Variants in MTA3 observed in about 807,000 individuals in gnomAD.
MTA3 encodes metastasis-associated protein MTA3.
MTA3 carries 34 observed loss-of-function variants against 83.5 expected under a neutral mutation model. That is an observed-to-expected ratio of 0.41 (90% CI 0.31 to 0.54). The LOEUF (loss-of-function observed/expected upper bound fraction) is 0.54, where lower values mean the gene tolerates loss of function less well. Ranked by LOEUF, MTA3 falls within the 20% of genes least tolerant of loss-of-function variation. MTA3 has a pLI of 0.33. For missense variants in MTA3, 761 were observed against 726.4 expected, an observed-to-expected ratio of 1.05 and a Z score of -0.55; for synonymous variants, 303 against 252.7, an observed-to-expected ratio of 1.20 and a Z score of -1.89.
At chr2:42,560,047 AT>A (rs906097452) in intron 2 of MTA3, among the ~76,000 whole-genome samples, 18 of 151,812 alleles carry the variant, frequency 1.2e-4, no homozygotes, top group African/African-American at 3.6e-4. Context: ...AGTCCAAGTG[AT>A]TTTTTTTATT....
At chr2:42,499,540 C>A (rs572433731) in intron 2 of MTA3, among the ~76,000 whole-genome samples, 1 of 151,384 alleles carries the variant, frequency 6.6e-6, no homozygotes, top group Non-Finnish European at 1.5e-5. Context: ...GCCTGTAATC[C>A]CAGCACTTTC....
chr2:42,538,371 T>C (rs1676350996), intron 2 of MTA3, among the ~76,000 whole-genome samples: 1 of 152,184 alleles, frequency 6.6e-6, no homozygotes, highest in Admixed American at 6.5e-5. Flanking sequence ...GTAACTTTTC[T>C]GTAGATTTGA....
intron 8 of MTA3, among the ~76,000 whole-genome samples, chr2:42,680,907 C>T (rs900546923): frequency 1.4e-5 from 1 of 72,868 alleles, no homozygotes; most frequent in African/African-American, 6.7e-5. Context: ...CAATATGCCA[C>T]CATGCCTGTT....
At chr2:42,744,140 C>A (rs2104589503) in intron 16 of MTA3, among the ~76,000 whole-genome samples, 1 of 152,180 alleles carries the variant, frequency 6.6e-6, no homozygotes, top group Admixed American at 6.5e-5. Context: ...AGCGGAGTAC[C>A]TTATGTATTG....
upstream of MTA3, among the ~76,000 whole-genome samples, chr2:42,565,950 G>A (rs1040187591): frequency 1.3e-5 from 2 of 152,282 alleles, no homozygotes; most frequent in East Asian, 1.9e-4. Context: ...CTTGCAGTGA[G>A]CCGAATCCGA....
At chr2:42,523,455 A>G (rs1048698310) in intron 2 of MTA3, among the ~76,000 whole-genome samples, 2 of 152,146 alleles carry the variant, frequency 1.3e-5, no homozygotes, top group East Asian at 1.9e-4. Context: ...TCCAGCCTCA[A>G]CCAGGAAGAT....
At chr2:42,659,971 C>A in intron 8 of MTA3, 109 bp downstream of exon 8, 1 of 641,532 alleles carries the variant, frequency 1.6e-6, no homozygotes, top group Non-Finnish European at 2.4e-6. Flanking sequence ...TCTTAGCCTT[C>A]CTGACTGCTA....
chr2:42,553,564 C>T (rs530185270), intron 2 of MTA3, among the ~76,000 whole-genome samples: 11 of 151,062 alleles, frequency 7.3e-5, no homozygotes, highest in Non-Finnish European at 1.3e-4. Flanking sequence ...GGAGAAACCC[C>T]GTCTCTACTA....
At chr2:42,523,335 C>T (rs965465138) in intron 2 of MTA3, among the ~76,000 whole-genome samples, 2 of 152,144 alleles carry the variant, frequency 1.3e-5, no homozygotes, top group Admixed American at 6.6e-5. Flanking sequence ...TGGCCAAGTA[C>T]TAAGTCCTCA....
intron 9 of MTA3, among the ~76,000 whole-genome samples, chr2:42,695,401 G>A (rs994756231): frequency 2.0e-4 from 30 of 151,836 alleles, no homozygotes; most frequent in Non-Finnish European, 1.5e-4. Context: ...TTGGGAGGCC[G>A]AGGCGGGCAG....
At chr2:42,636,275 T>G (rs1273766477) in intron 4 of MTA3, among the ~76,000 whole-genome samples, 1 of 152,112 alleles carries the variant, frequency 6.6e-6, no homozygotes, top group Admixed American at 6.5e-5. Flanking sequence ...GTGTGGTGGC[T>G]CATGTCTATA....
At chr2:42,617,677 G>A (rs1302513854) in intron 4 of MTA3, among the ~76,000 whole-genome samples, 1 of 151,978 alleles carries the variant, frequency 6.6e-6, no homozygotes, top group Admixed American at 6.6e-5. Flanking sequence ...TAGGGAGGCT[G>A]AGACAGGAGA....
intron 5 of MTA3, among the ~76,000 whole-genome samples, chr2:42,643,002 A>G (rs1285338835): frequency 1.3e-5 from 2 of 150,786 alleles, no homozygotes; most frequent in African/African-American, 4.9e-5. Flanking sequence ...TAGCACTTTA[A>G]CAGTATGCAT....
intron 15 of MTA3, among the ~76,000 whole-genome samples, chr2:42,721,211 G>C (rs1322827631): frequency 6.6e-6 from 1 of 151,972 alleles, no homozygotes; most frequent in African/African-American, 2.4e-5. Context: ...AATTCTTAGT[G>C]TAGTGGGGAA....
chr2:42,710,270 G>A (rs1185969084), intron 14 of MTA3, among the ~76,000 whole-genome samples: 3 of 152,124 alleles, frequency 2.0e-5, no homozygotes, highest in Non-Finnish European at 4.4e-5. Flanking sequence ...AGGGAGTTGA[G>A]GGCTGGGCGC....
chr2:42,682,123 G>A, intron 8 of MTA3, among the ~76,000 whole-genome samples: 1 of 151,982 alleles, frequency 6.6e-6, no homozygotes. Flanking sequence ...CAGGAGGATT[G>A]CTTGAGCCCA....
At chr2:42,629,183 A>G (rs1215643597) in intron 4 of MTA3, among the ~76,000 whole-genome samples, 2 of 151,998 alleles carry the variant, frequency 1.3e-5, no homozygotes, top group African/African-American at 4.8e-5. Context: ...AGGTTCAAGC[A>G]ATTCTCCTGC....
At chr2:42,656,848 C>T (rs1358393659) in intron 7 of MTA3, among the ~76,000 whole-genome samples, 1 of 152,062 alleles carries the variant, frequency 6.6e-6, no homozygotes, top group Non-Finnish European at 1.5e-5. Context: ...CATCAGCAAG[C>T]AATTGATGAA....
chr2:42,729,095 T>TTTTTTTTG (rs1668048658), intron 16 of MTA3, among the ~76,000 whole-genome samples: 8 of 119,680 alleles, frequency 6.7e-5, no homozygotes, highest in South Asian at 3.0e-4. Flanking sequence ...AGTTTTTTTT[T>TTTTTTTTG]TTTTTTTTTT....
Sources: gnomAD v4.1 joint callset for allele counts (sites outside exome capture counted in the v4.1 genomes callset) on GRCh38, gnomAD v4.1.1 for gene constraint, MANE v1.5 for transcripts, NCBI Gene and HGNC (gene_info 2026-07-23, HGNC 2026-07-21) for gene names.